ZNF207: variants seen among roughly 807,000 people sequenced by gnomAD.
ZNF207 encodes the protein zinc finger protein 207, also known as BUB3-interacting and GLEBS motif-containing protein ZNF207.
ZNF207 carries 24 observed loss-of-function variants against 60.2 expected under a neutral mutation model. The observed-to-expected ratio is 0.40, with a 90% CI of 0.29 to 0.56. The LOEUF (loss-of-function observed/expected upper bound fraction) is 0.56, where lower values mean the gene tolerates loss of function less well. ZNF207 is among the 20% of genes least tolerant of loss of function. The pLI is 0.49. For missense variants in ZNF207, 452 were observed against 636.6 expected, an observed-to-expected ratio of 0.71 and a Z score of 3.12; for synonymous variants, 236 against 194.7, an observed-to-expected ratio of 1.21 and a Z score of -1.77.
At chr17:32,363,065 T>C in intron 7 of ZNF207, 81 bp downstream of exon 7, 1 of 1,296,730 alleles carries the variant, frequency 7.7e-7, no homozygotes, top group Non-Finnish European at 1.1e-6. Flanking sequence ...GGCATTAGTA[T>C]AATGAAATTT....
Position 32,350,345 on chromosome 17 carries a change from A to G in ZNF207, c.41+19A>G, listed in dbSNP as rs1317555509. 6.2e-7 allele frequency: 1 copy of G among 1,613,836 alleles called. No homozygotes were observed. Among genetic ancestry groups the G allele is most frequent in the Non-Finnish European group, 8.5e-7 (1 of 1,180,008 alleles). ...GGTGCTGGTATCCTTTGTCGGTTTGAAGTCGAGGTCGCGTTGGGGTGCCGG... is the reference window on the plus strand; with the variant it reads ...GGTGCTGGTATCCTTTGTCGGTTTGGAGTCGAGGTCGCGTTGGGGTGCCGG... On this transcript the variant is annotated intron_variant, in intron 1 of 11. Transcript: ENST00000394670.
intron 2 of ZNF207, among the ~76,000 whole-genome samples, chr17:32,356,633 T>TAG (rs1904522141): frequency 6.6e-6 from 1 of 152,174 alleles, no homozygotes; most frequent in African/African-American, 2.4e-5. Context: ...TTTGGGCAAA[T>TAG]ATATCTAAGT....
chr17:32,354,953 G>T (rs1169109666), intron 2 of ZNF207, among the ~76,000 whole-genome samples: 2 of 152,192 alleles, frequency 1.3e-5, no homozygotes, highest in Non-Finnish European at 2.9e-5. Context: ...CTGCAGGGTT[G>T]AAAGTAAAGT....
At position 32,366,755 on chromosome 17, in the gene ZNF207, C is replaced by A; in HGVS notation, c.919C>A (p.Gln307Lys). ...TAAAGCTCTGTTTCCTAGCACAGCA[C>A]AAGTACGCAGGAAGTTGCAGTTTAA... ...SSKALFPSTA[Q>K]AQAAVQGPVG... The change falls in exon 9 of 12, where the codon CAA (glutamine) becomes AAA (lysine). Residue 307 changes from glutamine to lysine, a missense_variant and splice_region_variant. Physicochemically the swap from Gln to Lys is moderately conservative, Grantham distance 53. Coordinates refer to ENST00000394670, the MANE Select transcript of ZNF207 (RefSeq NM_001098507.2). 1 of 1,602,386 alleles carries A rather than the reference C, an allele frequency of 6.2e-7. No homozygotes were observed. The highest frequency in any genetic ancestry group is 8.5e-7 in the Non-Finnish European group (1 of 1,175,410).
Position 32,366,667 on chromosome 17 carries a change from G to T in ZNF207, c.831G>T (p.Met277Ile). The change falls in exon 9 of 12, where the codon ATG becomes ATT. Residue 277 changes from methionine to isoleucine, a missense_variant and splice_region_variant. Coordinates refer to ENST00000394670, the MANE Select transcript of ZNF207 (RefSeq NM_001098507.2). ...GTTTCCTTTCTTTTATGCTACAGAT[G>T]GGGACACCTGTCACAAGCTCAAGTA... The part of the protein sequence containing the change: ...TKPLFPSAGQ[M>I]GTPVTSSSTA... 1 of 1,603,014 alleles carries T rather than the reference G, an allele frequency of 6.2e-7. No individual in the cohort carries two copies. The highest frequency in any genetic ancestry group is 8.5e-7 in the Non-Finnish European group (1 of 1,176,334).
chr17:32,364,203 T>A (rs562955744), intron 7 of ZNF207, among the ~76,000 whole-genome samples: 1 of 152,018 alleles, frequency 6.6e-6, no homozygotes, highest in Non-Finnish European at 1.5e-5. Flanking sequence ...AAAATAACTT[T>A]CCCAGAAGCT....
chr17:32,369,826 C>A lies in ZNF207; in HGVS notation c.*67C>A, dbSNP rs1597795110. On this transcript the variant is annotated 3_prime_UTR_variant, in exon 12 of 12. Coordinates refer to ENST00000394670, the MANE Select transcript of ZNF207 (RefSeq NM_001098507.2). ...TTCTCAACTTGTGCTGTTTATATAG[C>A]CAAGCTTCCGTCAATAAGGCTTCAT... The A allele has an allele frequency of 1.5e-6, 2 of 1,351,378 alleles. No individual in the cohort carries two copies. The allele number at this position is 1,351,378 out of a possible 1,614,324, so 83.7% of individuals were successfully genotyped here.
At chr17:32,367,282 T>TATATATATATATATATAAAA (rs1445385221) in intron 9 of ZNF207, among the ~76,000 whole-genome samples, 4 of 82,860 alleles carry the variant, frequency 4.8e-5, no homozygotes, top group African/African-American at 1.2e-4. Context: ...TATATATATA[T>TATATATATATATATATAAAA]ATAAAGAATA....
intron 2 of ZNF207, among the ~76,000 whole-genome samples, chr17:32,356,065 C>T (rs1437449178): frequency 6.6e-6 from 1 of 152,170 alleles, no homozygotes; most frequent in Non-Finnish European, 1.5e-5. Context: ...GTCCTATTTT[C>T]ACAGCAACCT....
chr17:32,351,857 A>G lies in ZNF207; in HGVS notation c.113A>G (p.His38Arg). Residue 38 changes from histidine (H) to arginine (R), a missense_variant, in exon 2 of 12, where the codon CAT becomes CGT. Coordinates refer to ENST00000394670, the MANE Select transcript of ZNF207 (RefSeq NM_001098507.2). ...CAAAAAGCAAAGCATTTTAAATGCC[A>G]TATATGTCACAAGAAATTGTATACA... is the stretch of plus-strand genomic sequence containing the variant. Reference protein sequence around the residue: ...QHQKAKHFKCHICHKKLYTGP... With the variant: ...QHQKAKHFKCRICHKKLYTGP... 1 of 1,607,766 alleles carries G rather than the reference A, an allele frequency of 6.2e-7. No homozygotes were observed. Among genetic ancestry groups the G allele is most frequent in the Non-Finnish European group, 8.5e-7 (1 of 1,176,738 alleles).
At position 32,362,928 on chromosome 17, in the gene ZNF207, G is replaced by GTT. The variant is rs1904965340; in HGVS notation, c.615_616insTT (p.Gly206LeufsTer3). On this transcript the variant is annotated frameshift_variant, in exon 7 of 12. Transcript: ENST00000394670. LOFTEE classifies it high-confidence loss of function. ...CTTTCTAATAGAATGATGCCAATGG[G>GTT]TGGAATGATGCCACCTGGACCAGGA... 6.2e-7 allele frequency: 1 copy of GTT among 1,613,238 alleles called. No homozygotes were observed.
intron 2 of ZNF207, among the ~76,000 whole-genome samples, chr17:32,352,915 G>A (rs941829859): frequency 6.6e-6 from 1 of 152,178 alleles, no homozygotes. Flanking sequence ...GGTGGCTCAC[G>A]CCTGTAATCC....
intron 3 of ZNF207, among the ~76,000 whole-genome samples, chr17:32,359,414 T>C (rs956482759): frequency 6.6e-6 from 1 of 150,930 alleles, no homozygotes; most frequent in Non-Finnish European, 1.5e-5. Flanking sequence ...CCTGGCCTAG[T>C]TTTTATATTT....
intron 1 of ZNF207, 74 bp from the exon 2 acceptor site, chr17:32,351,712 A>G (rs1567810488): frequency 1.9e-6 from 3 of 1,611,362 alleles, no homozygotes; most frequent in East Asian, 2.2e-5. Flanking sequence ...CCCATATTGT[A>G]ATGTTATCCA....
In ZNF207 at chr17:32,379,303, A is replaced by G. The variant is rs1905794294; in HGVS notation, c.*9544A>G. 6.6e-6 allele frequency: 1 copy of G among 152,104 alleles called. No individual in the cohort carries two copies. Among genetic ancestry groups the G allele is most frequent in the African/African-American group, 2.4e-5 (1 of 41,446 alleles). 9.4% of individuals were successfully genotyped at this position (152,104 alleles called of 1,614,324 possible). On this transcript the variant is annotated 3_prime_UTR_variant, in exon 12 of 12. Coordinates refer to ENST00000394670, the MANE Select transcript of ZNF207 (RefSeq NM_001098507.2). ...TTGATTAAAGAGGTGAGCACTCTGA[A>G]TTTCTACATCTTTGGATATTACTTG...
Position 32,377,256 on chromosome 17 carries a change from T to C in ZNF207, c.*7497T>C, listed in dbSNP as rs1905707798. ...CATAGTATTTTAATGTAGCTTCTTA[T>C]TAAAATTTTATTCATAAATAGTTTA... On this transcript the variant is annotated 3_prime_UTR_variant, in exon 12 of 12. Transcript: ENST00000394670. 1 of 152,014 alleles carries C rather than the reference T, an allele frequency of 6.6e-6. No homozygotes were observed. Among genetic ancestry groups the C allele is most frequent in the Non-Finnish European group, 1.5e-5 (1 of 67,890 alleles). 9.4% of individuals were successfully genotyped at this position (152,014 alleles called of 1,614,324 possible). A position where few individuals can be genotyped will look rare whatever the true frequency, so the allele number is the denominator to read the frequency against.
intron 6 of ZNF207, among the ~76,000 whole-genome samples, chr17:32,362,253 T>C (rs1399373333): frequency 1.3e-5 from 2 of 152,130 alleles, no homozygotes; most frequent in African/African-American, 2.4e-5. Flanking sequence ...CCTCCTGGGC[T>C]CAAGTGATCC....
chr17:32,357,079 G>A (rs1454846839), intron 2 of ZNF207, among the ~76,000 whole-genome samples: 2 of 151,962 alleles, frequency 1.3e-5, no homozygotes, highest in Non-Finnish European at 2.9e-5. Flanking sequence ...TTACTTGGGA[G>A]GCTGAGGTGG....
rs745863928 is a variant in ZNF207 at position 32,369,341 on chromosome 17, G to C, written c.1211G>C (p.Arg404Pro). The change falls in exon 11 of 12, where the codon CGG (arginine) becomes CCG (proline). Residue 404 changes from arginine to proline, a missense_variant. By Grantham distance (103) the Arg-to-Pro change is moderately radical. Around this residue, in one of 2 missense-constraint regions of ZNF207, gnomAD observed 390 missense variants for 461.4 expected, o/e 0.85. Coordinates refer to ENST00000394670, the MANE Select transcript of ZNF207 (RefSeq NM_001098507.2). ...QLPKYQRNLP[R>P]PGQAPIGNPP... ...CCTAAGTATCAACGTAATCTTCCTC[G>C]GCCAGGACAGGCCCCCATCGGTAAT... 1.2e-6 allele frequency: 2 copies of C among 1,614,014 alleles called. No individual in the cohort carries two copies. The highest frequency in any genetic ancestry group is 4.5e-5 in the East Asian group (2 of 44,870).
Sources: allele counts gnomAD v4.1 joint callset (sites outside exome capture counted in the v4.1 genomes callset), GRCh38; gene constraint gnomAD v4.1.1; regional missense constraint gnomAD v4.1.1; transcripts MANE v1.5; gene names NCBI Gene and HGNC (gene_info 2026-07-23, HGNC 2026-07-21).